Variants in KRTAP4-1 observed in about 807,000 individuals in gnomAD.
KRTAP4-1 encodes the protein keratin-associated protein 4-1.
For synonymous variants in KRTAP4-1, 52 were observed against 58.3 expected, an observed-to-expected ratio of 0.89 and a Z score of 0.50; for missense variants, 155 against 181.3, an observed-to-expected ratio of 0.85 and a Z score of 0.83.
Position 41,184,647 on chromosome 17 carries a change from A to G in KRTAP4-1, c.208T>C (p.Cys70Arg). The change falls in exon 1 of 1, where the codon TGT (cysteine) becomes CGT (arginine). Residue 70 changes from cysteine to arginine, a missense_variant. Cys to Arg is a radical substitution (Grantham distance 180). Transcript: ENST00000398472. ...CRPSCCHPVC[C>R]QTTCRPSCGV... ...CAGCTGGGGCGGCAGGTGGTCTGAC[A>G]ACAGACTGGGTGGCAGCAGCTGGGG... 6.2e-7 allele frequency: 1 copy of G among 1,600,654 alleles called. No homozygotes were observed. Among genetic ancestry groups the G allele is most frequent in the Non-Finnish European group, 8.5e-7 (1 of 1,172,976 alleles).
the KRTAP4-1 span, chr17:41,184,818 G>A: frequency 6.2e-7 from 1 of 1,614,198 alleles, no homozygotes; most frequent in Non-Finnish European, 8.5e-7. Flanking sequence ...TCACAGCCCT[G>A]GTCAGAGCAG....
At position 41,184,123 on chromosome 17, in the gene KRTAP4-1, A is replaced by T; in HGVS notation, c.*291T>A. ...AATTACTGATATTAAGATAATATTT[A>T]TTGAAGAACAGTTAATATGTAATTT... is the stretch of plus-strand genomic sequence containing the variant. On this transcript the variant is annotated 3_prime_UTR_variant, in exon 1 of 1. Coordinates refer to ENST00000398472, the MANE Select transcript of KRTAP4-1 (RefSeq NM_001386841.1). The T allele has an allele frequency of 2.6e-6, 1 of 381,552 alleles. No individual in the cohort carries two copies. Among genetic ancestry groups the T allele is most frequent in the Non-Finnish European group, 4.6e-6 (1 of 215,438 alleles). 23.6% of individuals were successfully genotyped at this position (381,552 alleles called of 1,614,324 possible).
chr17:41,184,310 A>G lies in KRTAP4-1; in HGVS notation c.*104T>C. 4 of 1,505,340 alleles carry G rather than the reference A, an allele frequency of 2.7e-6. No individual in the cohort carries two copies. Among genetic ancestry groups the G allele is most frequent in the Non-Finnish European group, 3.6e-6 (4 of 1,122,188 alleles). 93.2% of individuals were successfully genotyped at this position (1,505,340 alleles called of 1,614,324 possible). On this transcript the variant is annotated 3_prime_UTR_variant, in exon 1 of 1. Transcript: ENST00000398472. ...ACCAGTTACTTAGTGGAATAACAGG[A>G]TAATAAAGCTGATGGCCATTTAACA...
chr17:41,184,225 CTGCTGGGAAGAGATCCA>C lies in KRTAP4-1; in HGVS notation c.*172_*188del. The C allele has an allele frequency of 1.9e-4, 1 of 5,302 alleles. No individual in the cohort carries two copies. The highest frequency in any genetic ancestry group is 2.4e-4 in the Non-Finnish European group (1 of 4,120). The allele number at this position is 5,302 out of a possible 1,614,324, so 0.3% of individuals were successfully genotyped here. ...GCATCATGCATCTGAGGTCTGAATG[CTGCTGGGAAGAGATCCA>C]TGGGAAAAATGAGTGGTATTAAATG... is the stretch of plus-strand genomic sequence containing the variant. On this transcript the variant is annotated 3_prime_UTR_variant, in exon 1 of 1. Coordinates refer to ENST00000398472, the MANE Select transcript of KRTAP4-1 (RefSeq NM_001386841.1).
rs991194734 is a variant in KRTAP4-1 at position 41,184,392 on chromosome 17, G to C, written c.*22C>G. The C allele has an allele frequency of 1.3e-6, 2 of 1,566,440 alleles. No homozygotes were observed. Among genetic ancestry groups the C allele is most frequent in the African/African-American group, 2.7e-5 (2 of 74,170 alleles). On this transcript the variant is annotated 3_prime_UTR_variant, in exon 1 of 1. Coordinates refer to ENST00000398472, the MANE Select transcript of KRTAP4-1 (RefSeq NM_001386841.1). ...TATCATGGGATGGTGACTGGCTCAT[G>C]GTTGATAGTCCAATATGAGGTTCAA...
chr17:41,184,656 G>A lies in KRTAP4-1; in HGVS notation c.199C>T (p.Pro67Ser). Reference sequence around the variant, plus strand: ...CGGCAGGTGGTCTGACAACAGACTGGGTGGCAGCAGCTGGGGCGACAGCAA... The same window carrying A: ...CGGCAGGTGGTCTGACAACAGACTGAGTGGCAGCAGCTGGGGCGACAGCAA... ...TTCCRPSCCH[P>S]VCCQTTCRPS... Residue 67 changes from proline to serine, a missense_variant, in exon 1 of 1, where the codon CCA (proline) becomes TCA (serine). Coordinates refer to ENST00000398472, the MANE Select transcript of KRTAP4-1 (RefSeq NM_001386841.1). 5 of 1,599,876 alleles carry A rather than the reference G, an allele frequency of 3.1e-6. No individual in the cohort carries two copies. The highest frequency in any genetic ancestry group is 4.3e-6 in the Non-Finnish European group (5 of 1,172,684).
rs1327575086 is a variant in KRTAP4-1 at position 41,184,366 on chromosome 17, A to G, written c.*48T>C. 1.3e-6 allele frequency: 2 copies of G among 1,540,428 alleles called. No homozygotes were observed. Among genetic ancestry groups the G allele is most frequent in the African/African-American group, 1.4e-5 (1 of 73,148 alleles). On this transcript the variant is annotated 3_prime_UTR_variant, in exon 1 of 1. Transcript: ENST00000398472. ...ACAAGTTGATATAAATGACACTTTC[A>G]TATCATGGGATGGTGACTGGCTCAT...
Position 41,184,801 on chromosome 17 carries a change from G to A in KRTAP4-1, c.54C>T (p.Gly18=). Residue 18 remains glycine (G), a synonymous_variant, in exon 1 of 1, where the codon GGC becomes GGT. Transcript: ENST00000398472. ...SVCSDQGCDQ[G]LCQETCCRPS... ...GGCGGCAGCAGGTCTCTTGGCAGAG[G>A]CCTTGATCACAGCCCTGGTCAGAGC... 1 of 1,614,226 alleles carries A rather than the reference G, an allele frequency of 6.2e-7. No homozygotes were observed. Among genetic ancestry groups the A allele is most frequent in the Non-Finnish European group, 8.5e-7 (1 of 1,180,038 alleles).
Position 41,184,461 on chromosome 17 carries a change from A to G in KRTAP4-1, c.394T>C (p.Cys132Arg), listed in dbSNP as rs369128040. The change falls in exon 1 of 1, where the codon TGC becomes CGC. Residue 132 changes from cysteine (C) to arginine (R), a missense_variant. Cys to Arg is a radical substitution (Grantham distance 180). Coordinates refer to ENST00000398472, the MANE Select transcript of KRTAP4-1 (RefSeq NM_001386841.1). Reference sequence around the variant, plus strand: ...CTGGGGCGGCAGCAAGTTGCACGGCAGCAGGTGGTCTGACAGCAGAGTGGA... The same window carrying G: ...CTGGGGCGGCAGCAAGTTGCACGGCGGCAGGTGGTCTGACAGCAGAGTGGA... ...CRPLCCQTTC[C>R]RATCCRPSCC... 2 of 1,609,276 alleles carry G rather than the reference A, an allele frequency of 1.2e-6. No homozygotes were observed. Among genetic ancestry groups the G allele is most frequent in the Non-Finnish European group, 1.7e-6 (2 of 1,176,634 alleles).
Sources: gnomAD v4.1 joint callset for allele counts on GRCh38, gnomAD v4.1.1 for gene constraint, MANE v1.5 for transcripts, NCBI Gene and HGNC (gene_info 2026-07-23, HGNC 2026-07-21) for gene names.